The following FGF14 variants were observed in gnomAD, a reference collection of about 807,000 sequenced individuals.
The protein encoded by FGF14 is fibroblast growth factor 14, also known as fibroblast growth factor homologous factor 4.
FGF14 carries 5 observed loss-of-function variants against 25.5 expected under a neutral mutation model. The observed-to-expected ratio is 0.20, with a 90% CI of 0.10 to 0.41. FGF14 has a LOEUF of 0.41. Among genes scored for constraint, FGF14 ranks in the 10% least tolerant of loss-of-function variants. FGF14 has a pLI of 1.00. For missense variants in FGF14, 222 were observed against 320.1 expected, an observed-to-expected ratio of 0.69 and a Z score of 2.34; for synonymous variants, 138 against 118.3, an observed-to-expected ratio of 1.17 and a Z score of -1.08.
intron 3 of FGF14, among the ~76,000 whole-genome samples, chr13:101,812,842 T>C (rs932025313): frequency 1.3e-5 from 2 of 150,978 alleles, no homozygotes; most frequent in African/African-American, 4.9e-5. Context: ...ACTTTTTGCA[T>C]TTTTGGTAGA....
At chr13:102,027,308 C>CTTTATTATAATTATAATTAT (rs1195636830) in intron 1 of FGF14, among the ~76,000 whole-genome samples, 3 of 150,590 alleles carry the variant, frequency 2.0e-5, no homozygotes, top group Non-Finnish European at 4.4e-5. Flanking sequence ...TAGATAATGA[C>CTTTATTATAATTATAATTAT]TATATATTAT....
intron 1 of FGF14, among the ~76,000 whole-genome samples, chr13:102,069,207 A>G (rs2043046549): frequency 6.6e-6 from 1 of 152,164 alleles, no homozygotes; most frequent in Non-Finnish European, 1.5e-5. Flanking sequence ...GACACTCTGT[A>G]TCTAGCTGCT....
rs73569524 is a variant in FGF14, at chr13:101,966,006, T to C, written c.209-90710A>G. Among the ~76,000 whole-genome samples, 529 of 152,322 alleles carry C rather than the reference T, an allele frequency of 3.5e-3. 4 individuals carry two copies. Among genetic ancestry groups the C allele is most frequent in the Middle Eastern group, 0.014 (4 of 294 alleles). ...GAACCACAATCAACTTTTCTATTCC[T>C]GTACCTAAATTTTTCTGAGTGCTTA... On this transcript the variant is annotated intron_variant, in intron 1 of 4. Coordinates refer to the FGF14 transcript ENST00000376131.
chr13:101,810,386 A>T (rs1317151202), intron 3 of FGF14, among the ~76,000 whole-genome samples: 1 of 152,246 alleles, frequency 6.6e-6, no homozygotes, highest in African/African-American at 2.4e-5. Flanking sequence ...AAAATAATAG[A>T]ATAGTCATAG....
At chr13:102,160,708 A>C (rs866820771) in intron 1 of FGF14, among the ~76,000 whole-genome samples, 1 of 152,298 alleles carries the variant, frequency 6.6e-6, no homozygotes, top group African/African-American at 2.4e-5. Context: ...CCTCAAGATC[A>C]GCAAACCAAA....
At chr13:102,145,764 G>A (rs889774872) in intron 1 of FGF14, among the ~76,000 whole-genome samples, 1 of 152,130 alleles carries the variant, frequency 6.6e-6, no homozygotes, top group Non-Finnish European at 1.5e-5. Context: ...ATTAACCAGT[G>A]CATTGGTTAT....
rs558791298 is a variant in FGF14, at chr13:101,896,386, A to G, written c.193+20067T>C. ...CTCTTCTATGCCCCCCACTCTGTACATTTCACCTCTCACCTACCATCACTC... is the reference window on the plus strand; with the variant it reads ...CTCTTCTATGCCCCCCACTCTGTACGTTTCACCTCTCACCTACCATCACTC... On this transcript the variant is annotated intron_variant, in intron 1 of 4. Coordinates refer to ENST00000376143, the MANE Select transcript of FGF14 (RefSeq NM_004115.4). 1.7e-4 allele frequency among the ~76,000 whole-genome samples: 26 copies of G among 151,958 alleles called. 1 individual carries two copies. In the South Asian group the frequency reaches 3.5e-3, roughly 21 times the overall value.
chr13:102,184,456 G>C (rs2140773557), intron 1 of FGF14, among the ~76,000 whole-genome samples: 1 of 152,294 alleles, frequency 6.6e-6, no homozygotes, highest in South Asian at 2.1e-4. Context: ...TATAGTGAGA[G>C]ATTGATCATG....
intron 1 of FGF14, among the ~76,000 whole-genome samples, chr13:102,169,964 G>A (rs2048179951): frequency 6.6e-6 from 1 of 152,106 alleles, no homozygotes; most frequent in Admixed American, 6.6e-5. Flanking sequence ...GCCACATTTG[G>A]CTAGTGGCTG....
intron 3 of FGF14, among the ~76,000 whole-genome samples, chr13:101,788,162 A>ACCCCTGC (rs1321792418): frequency 1.1e-3 from 160 of 151,990 alleles, no homozygotes; most frequent in Middle Eastern, 3.4e-3. Context: ...GTGAGCCACC[A>ACCCCTGC]CCCCTGCCCC....
chr13:102,161,694 G>C (rs2047766799), intron 1 of FGF14, among the ~76,000 whole-genome samples: 1 of 117,898 alleles, frequency 8.5e-6, no homozygotes, highest in African/African-American at 2.9e-5. Flanking sequence ...AGAAGAAGAA[G>C]AAGAAGAAGA....
intron 1 of FGF14, among the ~76,000 whole-genome samples, chr13:102,029,830 C>G (rs1566593512): frequency 6.6e-6 from 1 of 152,100 alleles, no homozygotes; most frequent in Admixed American, 6.6e-5. Context: ...TGGGAAAAGG[C>G]TCTGGATTAT....
At chr13:101,908,901 G>C (rs367586898) in intron 1 of FGF14, among the ~76,000 whole-genome samples, 319 of 152,112 alleles carry the variant, frequency 2.1e-3, no homozygotes, top group East Asian at 0.01. Flanking sequence ...AGATATAGAT[G>C]AATGGAACAG....
rs117093936 is a variant in FGF14, at chr13:102,230,422, A to T, written c.208+171049T>A. Among the ~76,000 whole-genome samples the T allele has an allele frequency of 9.6e-4, 146 of 152,362 alleles. 2 individuals carry two copies. In the East Asian group the frequency reaches 0.026, roughly 28 times the overall value. On this transcript the variant is annotated intron_variant, in intron 1 of 4. Coordinates refer to the FGF14 transcript ENST00000376131. ...AGGGAATAGAAAGGTATAAACAAACACTGCAATTACAAAGTAAAATAAAAG... is the reference window on the plus strand; with the variant it reads ...AGGGAATAGAAAGGTATAAACAAACTCTGCAATTACAAAGTAAAATAAAAG...
rs75932403 is a variant in FGF14 at position 101,767,552 on chromosome 13, C to T, written c.409-40742G>A. Among the ~76,000 whole-genome samples, 1,274 of 152,278 alleles carry T rather than the reference C, an allele frequency of 8.4e-3. 7 individuals are homozygous for T. Among genetic ancestry groups the T allele is most frequent in the Middle Eastern group, 0.027 (8 of 294 alleles). The stretch of plus-strand genomic sequence containing the variant: ...TGTGTGCTTGTATTTTACTGAATCC[C>T]TTTTGTAAACCCATGCAATATTTTA... On this transcript the variant is annotated intron_variant, in intron 3 of 4. Coordinates refer to ENST00000376143, the MANE Select transcript of FGF14 (RefSeq NM_004115.4).
At chr13:101,769,126 T>A (rs545772650) in intron 3 of FGF14, among the ~76,000 whole-genome samples, 1 of 152,092 alleles carries the variant, frequency 6.6e-6, no homozygotes, top group Admixed American at 6.6e-5. Flanking sequence ...CAATGCAAGT[T>A]GATTTAAAAA....
At chr13:102,271,788 T>C (rs1243796841) in intron 1 of FGF14, among the ~76,000 whole-genome samples, 1 of 152,122 alleles carries the variant, frequency 6.6e-6, no homozygotes, top group Non-Finnish European at 1.5e-5. Context: ...GGCACAAAAA[T>C]AATTCCAAAA....
intron 3 of FGF14, among the ~76,000 whole-genome samples, chr13:101,838,349 G>A (rs185201561): frequency 2.6e-5 from 4 of 152,072 alleles, no homozygotes; most frequent in Admixed American, 2.0e-4. Flanking sequence ...GAGGTGACAT[G>A]GAGACAGCGG....
chr13:102,017,831 T>A (rs999679468), intron 1 of FGF14, among the ~76,000 whole-genome samples: 2 of 152,136 alleles, frequency 1.3e-5, no homozygotes, highest in African/African-American at 4.8e-5. Context: ...TGGACTGTAT[T>A]CTTAGAGAAT....
Sources: allele counts gnomAD v4.1 joint callset (sites outside exome capture counted in the v4.1 genomes callset), GRCh38; gene constraint gnomAD v4.1.1; transcripts MANE v1.5; gene names NCBI Gene and HGNC (gene_info 2026-07-23, HGNC 2026-07-21).